Variants in UGT3A1 observed in about 807,000 individuals in gnomAD.
UGT3A1 encodes the protein UDP glycosyltransferase family 3 member A1.
UGT3A1 carries 40 observed loss-of-function variants against 37.6 expected under a neutral mutation model. The observed-to-expected ratio is 1.06, with a 90% CI of 0.83 to 1.38. The LOEUF (loss-of-function observed/expected upper bound fraction) is 1.38, where lower values mean the gene tolerates loss of function less well. Among genes scored for constraint, UGT3A1 ranks in the 40% most tolerant of loss-of-function variants. UGT3A1 has a pLI of 0.00. For synonymous variants in UGT3A1, 256 were observed against 232.3 expected (o/e 1.10, Z -0.93); for missense variants, 642 against 634.2 (o/e 1.01, Z -0.13).
intron 4 of UGT3A1, chr5:35,962,685 A>T: frequency 1.8e-6 from 1 of 567,294 alleles, no homozygotes; most frequent in East Asian, 2.9e-5. Flanking sequence ...GCCTACAGAA[A>T]ATGTCCAGCT....
upstream of UGT3A1, among the ~76,000 whole-genome samples, chr5:35,996,224 A>G (rs1741092544): frequency 6.6e-6 from 1 of 152,198 alleles, no homozygotes; most frequent in Non-Finnish European, 1.5e-5. Context: ...AAGAAAAGGC[A>G]GGAGAATGCA....
intron 2 of UGT3A1, among the ~76,000 whole-genome samples, chr5:35,988,077 G>C (rs1014205209): frequency 1.3e-5 from 2 of 151,990 alleles, no homozygotes; most frequent in Admixed American, 6.6e-5. Flanking sequence ...GTAACCTGTG[G>C]GATAAGAAGA....
chr5:35,994,630 A>C (rs1194601924), upstream of UGT3A1, among the ~76,000 whole-genome samples: 1 of 151,670 alleles, frequency 6.6e-6, no homozygotes, highest in Non-Finnish European at 1.5e-5. Flanking sequence ...TAAGGAGCTG[A>C]CCCCTCCCAC....
chr5:35,988,963 C>T (rs1205353079), intron 1 of UGT3A1, among the ~76,000 whole-genome samples: 1 of 152,160 alleles, frequency 6.6e-6, no homozygotes, highest in East Asian at 1.9e-4. Context: ...GTAGTGTGTA[C>T]ATTAGTATGA....
chr5:35,993,193 C>T (rs1741002382), upstream of UGT3A1, among the ~76,000 whole-genome samples: 2 of 152,104 alleles, frequency 1.3e-5, no homozygotes, highest in African/African-American at 4.8e-5. Flanking sequence ...TGGCCAGGCA[C>T]GGTGGCTCAC....
At chr5:35,968,231 T>C in intron 2 of UGT3A1, 98 bp from the exon 3 acceptor site, 1 of 737,250 alleles carries the variant, frequency 1.4e-6, no homozygotes, top group Non-Finnish European at 2.1e-6. Context: ...TAATTTTACA[T>C]TTATGGAAAT....
intron 4 of UGT3A1, among the ~76,000 whole-genome samples, chr5:35,963,870 A>T (rs1191598323): frequency 6.6e-6 from 1 of 152,090 alleles, no homozygotes; most frequent in Non-Finnish European, 1.5e-5. Flanking sequence ...AGTTGTCGGA[A>T]TGGGGGGTGG....
chr5:35,954,737 TA>T (rs1244034938), intron 6 of UGT3A1: 2 of 521,284 alleles, frequency 3.8e-6, no homozygotes, highest in Non-Finnish European at 6.9e-6. Context: ...ATTAAATCTC[TA>T]AGAACTAGTC....
upstream of UGT3A1, among the ~76,000 whole-genome samples, chr5:35,992,866 G>GA (rs1740991966): frequency 6.6e-6 from 1 of 152,078 alleles, no homozygotes; most frequent in African/African-American, 2.4e-5. Context: ...TGACCAAAGG[G>GA]AAAAGTCAAG....
intron 1 of UGT3A1, 33 bp downstream of exon 1, chr5:35,991,114 G>A (rs1475207502): frequency 8.1e-6 from 13 of 1,614,086 alleles, no homozygotes; most frequent in Admixed American, 1.7e-5. Flanking sequence ...TCCGGGACGC[G>A]CCTGTCTGGG....
intron 2 of UGT3A1, among the ~76,000 whole-genome samples, chr5:35,970,165 C>A (rs532421878): frequency 6.6e-6 from 1 of 152,140 alleles, no homozygotes; most frequent in Non-Finnish European, 1.5e-5. Flanking sequence ...CTGAGGCAGG[C>A]AGATCATGAG....
chr5:35,968,219 A>C, intron 2 of UGT3A1, 86 bp from the exon 3 acceptor site: 1 of 791,682 alleles, frequency 1.3e-6, no homozygotes, highest in Non-Finnish European at 1.9e-6. Flanking sequence ...GTTTTATTCT[A>C]TTAATTTTAC....
rs1347891919 is a variant in UGT3A1 at position 35,951,406 on chromosome 5, T to C, written c.*2796A>G. The C allele has an allele frequency of 3.3e-5, 5 of 151,792 alleles. No homozygotes were observed. The highest frequency in any genetic ancestry group is 1.9e-4 in the East Asian group (1 of 5,188). The allele number at this position is 151,792 out of a possible 1,614,324, so 9.4% of individuals were successfully genotyped here. A position where few individuals can be genotyped will look rare whatever the true frequency, so the allele number is the denominator to read the frequency against. ...CATACACATACTTTCCTTTTTCTTA[T>C]AAAAAAAAGGATACATCCTATAGTT... On this transcript the variant is annotated 3_prime_UTR_variant, in exon 7 of 7. Transcript: ENST00000274278.
chr5:35,959,156 A>G (rs1739478566), intron 4 of UGT3A1, among the ~76,000 whole-genome samples: 1 of 152,242 alleles, frequency 6.6e-6, no homozygotes, highest in Non-Finnish European at 1.5e-5. Flanking sequence ...GATGAGACAC[A>G]TAACCAAAAA....
chr5:35,973,602 C>CT (rs1011612605), intron 2 of UGT3A1, among the ~76,000 whole-genome samples: 9 of 152,304 alleles, frequency 5.9e-5, no homozygotes, highest in African/African-American at 2.2e-4. Context: ...GTAAGGACTG[C>CT]TAACCCAGTG....
intron 3 of UGT3A1, among the ~76,000 whole-genome samples, chr5:35,966,160 C>A (rs887687570): frequency 4.6e-5 from 7 of 152,182 alleles, no homozygotes; most frequent in African/African-American, 1.4e-4. Context: ...TTCCCACCAC[C>A]ATCAATGCCA....
chr5:36,000,161 T>G (rs1329289232), intron 1 of UGT3A1, among the ~76,000 whole-genome samples: 2 of 152,188 alleles, frequency 1.3e-5, no homozygotes, highest in Admixed American at 1.3e-4. Context: ...CTCCCCCTAG[T>G]GCTGCTTACA....
At chr5:35,975,013 C>A (rs1027860273) in intron 2 of UGT3A1, among the ~76,000 whole-genome samples, 1 of 152,170 alleles carries the variant, frequency 6.6e-6, no homozygotes, top group African/African-American at 2.4e-5. Flanking sequence ...TAAGACCTAT[C>A]TGAATGGGCA....
intron 2 of UGT3A1, among the ~76,000 whole-genome samples, chr5:35,973,454 G>A (rs574225012): frequency 1.3e-5 from 2 of 152,218 alleles, no homozygotes; most frequent in African/African-American, 4.8e-5. Context: ...CATCGTTGTA[G>A]CCCAATAGGT....
Sources: gnomAD v4.1 joint callset for allele counts (sites outside exome capture counted in the v4.1 genomes callset) on GRCh38, gnomAD v4.1.1 for gene constraint, MANE v1.5 for transcripts, NCBI Gene and HGNC (gene_info 2026-07-23, HGNC 2026-07-21) for gene names.